The following WDR43 variants were observed in gnomAD, a reference collection of about 807,000 sequenced individuals.
WDR43 encodes the protein WD repeat-containing protein 43.
In WDR43, 13 loss-of-function variants were observed where a neutral mutation model predicts 91.4. The ratio of observed to expected loss-of-function variants is 0.14; its 90% CI spans 0.09 to 0.23. The LOEUF (loss-of-function observed/expected upper bound fraction) is 0.23. WDR43 is among the 10% of genes least tolerant of loss of function. The pLI is 1.00. For missense variants in WDR43, 780 were observed against 809.4 expected, an observed-to-expected ratio of 0.96 and a Z score of 0.44; for synonymous variants, 331 against 287.9, an observed-to-expected ratio of 1.15 and a Z score of -1.51.
At position 28,902,045 on chromosome 2, in the gene WDR43, A is replaced by G. The variant is rs550052587; in HGVS notation, c.284A>G (p.Asp95Gly). Residue 95 changes from aspartate to glycine, a missense_variant, in exon 2 of 18, where the codon GAC becomes GGC. By Grantham distance (94) the Asp-to-Gly change is moderately conservative. Around this residue, in one of 4 missense-constraint regions of WDR43, gnomAD observed 174 missense variants for 207.3 expected, o/e 0.84. Coordinates refer to ENST00000407426, the MANE Select transcript of WDR43 (RefSeq NM_015131.3). Reference sequence around the variant, plus strand: ...GCTGTAGGAATGAGTAACCAGACTGACTTATTGGCTCTTGGCACAGCAGTT... The same window carrying G: ...GCTGTAGGAATGAGTAACCAGACTGGCTTATTGGCTCTTGGCACAGCAGTT... ...SEAVGMSNQT[D>G]LLALGTAVGS... The G allele has an allele frequency of 2.7e-5, 44 of 1,611,134 alleles. No homozygotes were observed. The African/African-American group carries it at 5.7e-4, about 21-fold the overall frequency.
intron 4 of WDR43, among the ~76,000 whole-genome samples, chr2:28,913,078 C>A (rs560192613): frequency 2.0e-5 from 3 of 151,162 alleles, no homozygotes; most frequent in South Asian, 4.2e-4. Flanking sequence ...CTCAGCCTCC[C>A]GAGTAGCTGG....
intron 10 of WDR43, among the ~76,000 whole-genome samples, chr2:28,928,471 A>G (rs1017139886): frequency 1.3e-5 from 2 of 152,162 alleles, no homozygotes; most frequent in Non-Finnish European, 2.9e-5. Flanking sequence ...TAAAGCGCCA[A>G]CTTTCTTTGG....
chr2:28,924,907 T>A, intron 7 of WDR43, 75 bp from the exon 8 acceptor site: 6 of 1,533,292 alleles, frequency 3.9e-6, no homozygotes, highest in Non-Finnish European at 5.3e-6. Flanking sequence ...ATTTCGTGAC[T>A]TGATGTCAGT....
chr2:28,927,434 C>T, intron 9 of WDR43, 135 bp from the exon 10 acceptor site: 3 of 1,055,778 alleles, frequency 2.8e-6, no homozygotes, highest in Non-Finnish European at 2.7e-6. Flanking sequence ...TAAAATATAT[C>T]TTAAATTGAT....
chr2:28,896,314 G>T (rs1457481703), intron 1 of WDR43, among the ~76,000 whole-genome samples: 4 of 152,114 alleles, frequency 2.6e-5, no homozygotes, highest in African/African-American at 9.7e-5. Context: ...TGCCCCTCTG[G>T]TTCCTCATTT....
intron 14 of WDR43, among the ~76,000 whole-genome samples, 158 bp from the exon 15 acceptor site, chr2:28,941,303 G>T (rs1467079210): frequency 1.5e-4 from 23 of 152,134 alleles, no homozygotes; most frequent in Admixed American, 1.5e-3. Context: ...AATTCGTGAT[G>T]TTGTTAGGCT....
intron 11 of WDR43, among the ~76,000 whole-genome samples, chr2:28,930,596 A>G (rs550602570): frequency 1.3e-5 from 2 of 152,324 alleles, no homozygotes; most frequent in East Asian, 1.9e-4. Context: ...TTACCATGGC[A>G]TAGAAACCTG....
chr2:28,928,052 T>C (rs943205149), intron 10 of WDR43: 1 of 217,702 alleles, frequency 4.6e-6, no homozygotes, highest in African/African-American at 2.3e-5. Flanking sequence ...CTCTTGGCTG[T>C]CTGAGCAATC....
At chr2:28,922,859 G>T (rs9653591) in intron 6 of WDR43, 60 bp from the exon 7 acceptor site, 919,678 of 1,312,884 alleles carry the variant, frequency 0.7, 324,797 homozygotes, top group East Asian at 0.86. Flanking sequence ...TTTTCATAAG[G>T]TAGATTGGGG....
chr2:28,911,722 C>T (rs1241992771), intron 3 of WDR43, among the ~76,000 whole-genome samples: 3 of 151,750 alleles, frequency 2.0e-5, no homozygotes, highest in Non-Finnish European at 4.4e-5. Flanking sequence ...GTCTCTGCCT[C>T]CTGGGCTCAA....
chr2:28,901,183 C>T (rs527729653), intron 1 of WDR43, among the ~76,000 whole-genome samples: 5 of 151,966 alleles, frequency 3.3e-5, no homozygotes, highest in South Asian at 2.1e-4. Flanking sequence ...GCTGGTGAGC[C>T]GTAATTTAAA....
chr2:28,938,090 C>A, intron 14 of WDR43, 96 bp downstream of exon 14: 2 of 1,294,104 alleles, frequency 1.5e-6, no homozygotes, highest in Non-Finnish European at 2.2e-6. Context: ...ACCATCCTTT[C>A]CCCATCTATC....
chr2:28,928,407 C>T (rs114573336), intron 10 of WDR43, among the ~76,000 whole-genome samples: 4,642 of 152,050 alleles, frequency 0.031, 86 homozygotes, highest in Non-Finnish European at 0.048. Flanking sequence ...AAAACATGTT[C>T]ATAACATGTT....
intron 3 of WDR43, among the ~76,000 whole-genome samples, chr2:28,912,061 T>G (rs1670810524): frequency 1.3e-5 from 2 of 152,204 alleles, no homozygotes; most frequent in Admixed American, 1.3e-4. Context: ...ACCTAATTAA[T>G]TTTTACCTGT....
At chr2:28,933,568 A>G (rs1211788195) in intron 11 of WDR43, among the ~76,000 whole-genome samples, 1 of 152,238 alleles carries the variant, frequency 6.6e-6, no homozygotes, top group Non-Finnish European at 1.5e-5. Flanking sequence ...GTTCTTGGAA[A>G]AACAGTGTTA....
rs192288077 is a variant in WDR43 at position 28,936,481 on chromosome 2, T to A, written c.1525-441T>A. On this transcript the variant is annotated intron_variant, in intron 12 of 17. Transcript: ENST00000407426. The stretch of plus-strand genomic sequence containing the variant: ...TGTAATACTGCCTACTATAAAAATT[T>A]GCCTAACCTTGATTTTTTTCTTTGT... 2.0e-5 allele frequency among the ~76,000 whole-genome samples: 3 copies of A among 152,342 alleles called. No homozygotes were observed. The East Asian group carries it at 5.8e-4, about 29-fold the overall frequency.
At chr2:28,901,420 C>G (rs186092685) in intron 1 of WDR43, among the ~76,000 whole-genome samples, 102 of 152,340 alleles carry the variant, frequency 6.7e-4, no homozygotes, top group African/African-American at 2.3e-3. Context: ...GGCAACTTCT[C>G]TCTTGTGTGC....
At chr2:28,928,732 G>C (rs1409564511) in intron 10 of WDR43, among the ~76,000 whole-genome samples, 1 of 151,996 alleles carries the variant, frequency 6.6e-6, no homozygotes, top group Non-Finnish European at 1.5e-5. Flanking sequence ...CCCAGACTGG[G>C]GTGCAATGGT....
intron 16 of WDR43, 64 bp downstream of exon 16, chr2:28,942,445 C>CTGT (rs1671456478): frequency 1.3e-6 from 2 of 1,526,326 alleles, no homozygotes; most frequent in Admixed American, 3.7e-5. Context: ...TGACTGAGTT[C>CTGT]TGTTATCTTT....
Sources: allele counts gnomAD v4.1 joint callset (sites outside exome capture counted in the v4.1 genomes callset), GRCh38; gene constraint gnomAD v4.1.1; regional missense constraint gnomAD v4.1.1; transcripts MANE v1.5; gene names NCBI Gene and HGNC (gene_info 2026-07-23, HGNC 2026-07-21).